RTL1: variants seen among roughly 807,000 people sequenced by gnomAD.
The protein encoded by RTL1 is retrotransposon Gag like 1.
For missense variants in RTL1, 1,681 were observed against 1,767.5 expected (o/e 0.95, Z 0.88); for synonymous variants, 727 against 748.4 (o/e 0.97, Z 0.47).
chr14:100,880,039 C>T lies in RTL1; in HGVS notation c.*673G>A, dbSNP rs996411734. 2.0e-5 allele frequency among the ~76,000 whole-genome samples: 3 copies of T among 148,582 alleles called. No homozygotes were observed. Among genetic ancestry groups the T allele is most frequent in the South Asian group, 2.2e-4 (1 of 4,648 alleles). On this transcript the variant is annotated 3_prime_UTR_variant, in exon 4 of 4. Transcript: ENST00000649591. ...GTCTGGTAAGTGGCACTGGTACGTC[C>T]GGATGCCCCAAAGAGCGGCTTTGTC...
rs2140033981 is a variant in RTL1 at position 100,881,508 on chromosome 14, G to A, written c.3281C>T (p.Ala1094Val). Residue 1094 changes from alanine (A) to valine (V), a missense_variant, in exon 4 of 4, where the codon GCC becomes GTC. Coordinates refer to ENST00000649591, the MANE Select transcript of RTL1 (RefSeq NM_001134888.3). The surrounding 1 kb of genome is among the most constrained non-coding windows in gnomAD (Gnocchi z 6.6). ...LYWKNTLALA[A>V]ILVLLRVRQC... ...CCTCACGCGCAGTAGCACGAGGATGGCTGCCAGGGCTAGGGTGTTCTTCCA... is the reference window on the plus strand; with the variant it reads ...CCTCACGCGCAGTAGCACGAGGATGACTGCCAGGGCTAGGGTGTTCTTCCA... The A allele has an allele frequency of 6.4e-7, 1 of 1,551,666 alleles. No homozygotes were observed. The highest frequency in any genetic ancestry group is 8.7e-7 in the Non-Finnish European group (1 of 1,147,010).
rs961758919 is a variant in RTL1, at chr14:100,880,098, C to A, written c.*614G>T. 2.8e-5 allele frequency among the ~76,000 whole-genome samples: 2 copies of A among 72,408 alleles called. No individual in the cohort carries two copies. The highest frequency in any genetic ancestry group is 2.0e-4 in the Admixed American group (1 of 5,116). The allele number at this position is 72,408 out of a possible 152,430, so 47.5% of individuals were successfully genotyped here. On this transcript the variant is annotated 3_prime_UTR_variant, in exon 4 of 4. Coordinates refer to ENST00000649591, the MANE Select transcript of RTL1 (RefSeq NM_001134888.3). ...TCCAGAGCTCAGGGCAAGAGGAAGG[C>A]GGGGTCAAAAAAGCTGAAGCAGATG...
chr14:100,889,424 T>C (rs1443285579), intron 3 of RTL1, among the ~76,000 whole-genome samples: 1 of 152,244 alleles, frequency 6.6e-6, no homozygotes, highest in Non-Finnish European at 1.5e-5. Flanking sequence ...TGAAGTTCTT[T>C]TCGCATGAAA....
In RTL1 at chr14:100,882,641, A is replaced by G; in HGVS notation, c.2148T>C (p.Ile716=). 1 of 1,551,898 alleles carries G rather than the reference A, an allele frequency of 6.4e-7. No homozygotes were observed. The change falls in exon 4 of 4, where the codon ATT becomes ATC. Residue 716 remains isoleucine (I), a synonymous_variant. Transcript: ENST00000649591. Reference sequence around the variant, plus strand: ...CTAGCATGTCCTTTAGGATGAAGTGAATCACGTTCTGAGGTATGATAGGGT... The same window carrying G: ...CTAGCATGTCCTTTAGGATGAAGTGGATCACGTTCTGAGGTATGATAGGGT... The part of the protein sequence containing the change: ...SPDPIIPQNV[I]HFILKDMLGF...
chr14:100,881,707 T>A lies in RTL1; in HGVS notation c.3082A>T (p.Thr1028Ser). Residue 1028 changes from threonine (T) to serine (S), a missense_variant, in exon 4 of 4, where the codon ACG (threonine) becomes TCG (serine). Coordinates refer to ENST00000649591, the MANE Select transcript of RTL1 (RefSeq NM_001134888.3). This position sits in a 1 kb window ranked among gnomAD's most constrained non-coding sequence, Gnocchi z 6.6. ...TCATTCTCTTCTTCCCCGGATTCCG[T>A]CGATGGATCCCTGGGGAATCCCCTT... is the stretch of plus-strand genomic sequence containing the variant. ...ASRGFPRDPS[T>S]ESGEEENEEQ... is the part of the protein sequence containing the mutation. 6.3e-7 allele frequency: 1 copy of A among 1,582,134 alleles called. No individual in the cohort carries two copies. Among genetic ancestry groups the A allele is most frequent in the South Asian group, 1.1e-5 (1 of 88,070 alleles).
chr14:100,890,684 T>A (rs956770537), intron 3 of RTL1, among the ~76,000 whole-genome samples: 1 of 152,028 alleles, frequency 6.6e-6, no homozygotes, highest in Non-Finnish European at 1.5e-5. Flanking sequence ...AGGATGGGTG[T>A]CAGGTGAAGA....
chr14:100,884,004 G>C lies in RTL1; in HGVS notation c.785C>G (p.Pro262Arg), dbSNP rs772956353. Residue 262 changes from proline (P) to arginine (R), a missense_variant, in exon 4 of 4, where the codon CCC becomes CGC. Pro to Arg is a moderately radical substitution (Grantham distance 103, BLOSUM62 -2). Transcript: ENST00000649591. The stretch of plus-strand genomic sequence containing the variant: ...GAAGGCTGGGAAGTCTCCGATCAGG[G>C]GGCTGTTTTCCTGCAGTAGAGCTTT... ...WAKALLQENSPLIGDFPAFLE... is the reference protein window; with the variant it reads ...WAKALLQENSRLIGDFPAFLE... 13 of 1,551,592 alleles carry C rather than the reference G, an allele frequency of 8.4e-6. No homozygotes were observed. Among genetic ancestry groups the C allele is most frequent in the Non-Finnish European group, 8.7e-6 (10 of 1,147,004 alleles).
chr14:100,884,679 G>C lies in RTL1; in HGVS notation c.110C>G (p.Ser37Trp), dbSNP rs372213717. The C allele has an allele frequency of 6.2e-6, 10 of 1,613,678 alleles. No homozygotes were observed. The East Asian group carries it at 2.2e-4, about 36-fold the overall frequency. The change falls in exon 4 of 4, where the codon TCG (serine) becomes TGG (tryptophan). Residue 37 changes from serine (S) to tryptophan (W), a missense_variant. Ser to Trp is a radical substitution (Grantham distance 177). Coordinates refer to ENST00000649591, the MANE Select transcript of RTL1 (RefSeq NM_001134888.3). ...TGCCTCTCCCCGCACTCCACTGCCC[G>C]ACGTCGCCTCGGTGGTGTTGGATGA... ...EGSSNTTEATSGSGVRGEAGP... is the reference protein window; with the variant it reads ...EGSSNTTEATWGSGVRGEAGP...
chr14:100,901,488 A>G (rs763283569), intron 2 of RTL1, among the ~76,000 whole-genome samples: 3 of 152,184 alleles, frequency 2.0e-5, no homozygotes, highest in Non-Finnish European at 4.4e-5. Context: ...TGTGGGCTGC[A>G]TTCATCAGCA....
In RTL1 at chr14:100,883,622, C is replaced by T. The variant is rs1219981304; in HGVS notation, c.1167G>A (p.Arg389=). 6.4e-7 allele frequency: 1 copy of T among 1,551,256 alleles called. No homozygotes were observed. The highest frequency in any genetic ancestry group is 8.7e-7 in the Non-Finnish European group (1 of 1,146,958). ...LTWIDSPAPE[R]WMVSSWLPSE... ...TGGGCAACCAGCTGCTGACCATCCA[C>T]CTCTCTGGAGCAGGTGAGTCGATCC... The change falls in exon 4 of 4, where the codon AGG becomes AGA. Residue 389 remains arginine, a synonymous_variant. Transcript: ENST00000649591. This position sits in a 1 kb window ranked among gnomAD's most constrained non-coding sequence, Gnocchi z 5.9.
chr14:100,886,312 CA>C, intron 3 of RTL1, among the ~76,000 whole-genome samples: 1 of 152,050 alleles, frequency 6.6e-6, no homozygotes, highest in Non-Finnish European at 1.5e-5. Flanking sequence ...TGCTGTTTCT[CA>C]AAATTAAGTA....
At chr14:100,885,085 C>G (rs992296369) in intron 3 of RTL1, among the ~76,000 whole-genome samples, 1 of 152,250 alleles carries the variant, frequency 6.6e-6, no homozygotes, top group African/African-American at 2.4e-5. Flanking sequence ...ACCTGCCTCC[C>G]AGGCTTATTC....
Position 100,898,089 on chromosome 14 carries a change from T to G in RTL1, c.-148-4584A>C, listed in dbSNP as rs974024814. On this transcript the variant is annotated intron_variant, in intron 2 of 3. Transcript: ENST00000649591. ...ACCATTGTTGATTACACTCTTCTAC[T>G]GTTGAAAATCCCAGCTGAAAGTGCT... is the stretch of plus-strand genomic sequence containing the variant. 8.6e-6 allele frequency: 3 copies of G among 348,184 alleles called. No individual in the cohort carries two copies. In the East Asian group the frequency reaches 2.2e-4, roughly 25 times the overall value. The allele number at this position is 348,184 out of a possible 1,614,324, so 21.6% of individuals were successfully genotyped here.
At position 100,880,712 on chromosome 14, in the gene RTL1, T is replaced by C; in HGVS notation, c.4077A>G (p.Ter1359TrpextTer46). 6.4e-7 allele frequency: 1 copy of C among 1,550,742 alleles called. No homozygotes were observed. The highest frequency in any genetic ancestry group is 8.7e-7 in the Non-Finnish European group (1 of 1,146,928). Reference protein sequence around the residue: ...PDEDEDANLD* With the variant: ...PDEDEDANLDW ...CTTTGCTGGAGACAGGGAGGCGTCT[T>C]CAGTCGAGGTTAGCATCTTCGTCCT... Residue 1359 changes from the stop codon to tryptophan, a stop_lost, in exon 4 of 4, where the codon TGA (stop) becomes TGG (tryptophan). Coordinates refer to ENST00000649591, the MANE Select transcript of RTL1 (RefSeq NM_001134888.3).
Position 100,883,102 on chromosome 14 carries a change from C to T in RTL1, c.1687G>A (p.Ala563Thr). The T allele has an allele frequency of 2.5e-6, 4 of 1,613,484 alleles. No homozygotes were observed. Among genetic ancestry groups the T allele is most frequent in the South Asian group, 1.1e-5 (1 of 90,860 alleles). Residue 563 changes from alanine to threonine, a missense_variant, in exon 4 of 4, where the codon GCC (alanine) becomes ACC (threonine). Physicochemically the swap from Ala to Thr is moderately conservative, Grantham distance 58. Coordinates refer to ENST00000649591, the MANE Select transcript of RTL1 (RefSeq NM_001134888.3). The surrounding 1 kb of genome is among the most constrained non-coding windows in gnomAD (Gnocchi z 5.9). ...PGLPHPYSDL[A>T]DVFNPKEADD... The stretch of plus-strand genomic sequence containing the variant: ...GCTTCCTTCGGGTTAAACACGTCGG[C>T]CAGGTCTGAGTATGGGTGTGGCAGT...
chr14:100,882,234 G>C lies in RTL1; in HGVS notation c.2555C>G (p.Ala852Gly). ...QFYWGVEEQE[A>G]FECLKRAFRK... ...GAAAGCCCTCTTCAGGCACTCGAAG[G>C]CCTCTTGCTCCTCGACTCCCCAGTA... The change falls in exon 4 of 4, where the codon GCC (alanine) becomes GGC (glycine). Residue 852 changes from alanine (A) to glycine (G), a missense_variant. Coordinates refer to ENST00000649591, the MANE Select transcript of RTL1 (RefSeq NM_001134888.3). 6.4e-7 allele frequency: 1 copy of C among 1,551,300 alleles called. No homozygotes were observed. Among genetic ancestry groups the C allele is most frequent in the Non-Finnish European group, 8.7e-7 (1 of 1,146,996 alleles).
At chr14:100,894,309 CAAAAAA>C (rs562868034) in intron 2 of RTL1, among the ~76,000 whole-genome samples, 1 of 72,474 alleles carries the variant, frequency 1.4e-5, no homozygotes, top group African/African-American at 4.2e-5. Flanking sequence ...AACTCCGTCT[CAAAAAA>C]AAAAAAAAAA....
At chr14:100,890,324 G>T (rs1448305147) in intron 3 of RTL1, among the ~76,000 whole-genome samples, 2 of 151,726 alleles carry the variant, frequency 1.3e-5, no homozygotes, top group Non-Finnish European at 2.9e-5. Context: ...GCCATGGGGG[G>T]GACAAATCCC....
rs1318676617 is a variant in RTL1, at chr14:100,880,807, G to C, written c.3982C>G (p.Arg1328Gly). 1.9e-6 allele frequency: 3 copies of C among 1,550,656 alleles called. No homozygotes were observed. Among genetic ancestry groups the C allele is most frequent in the Non-Finnish European group, 1.7e-6 (2 of 1,146,956 alleles). ...LSQFLTLIYR[R>G]ALPIPAWESQ... ...TCCCAGGCGGGGATGGGCAGGGCCCGCCTGTAGATCAGGGTCAGGAACTGG... is the reference window on the plus strand; with the variant it reads ...TCCCAGGCGGGGATGGGCAGGGCCCCCCTGTAGATCAGGGTCAGGAACTGG... Residue 1328 changes from arginine (R) to glycine (G), a missense_variant, in exon 4 of 4, where the codon CGG becomes GGG. Coordinates refer to ENST00000649591, the MANE Select transcript of RTL1 (RefSeq NM_001134888.3).
Sources: gnomAD v4.1 joint callset for allele counts (sites outside exome capture counted in the v4.1 genomes callset) on GRCh38, gnomAD v4.1.1 for gene constraint, Gnocchi (gnomAD v3.1) non-coding constraint, MANE v1.5 for transcripts, NCBI Gene and HGNC (gene_info 2026-07-23, HGNC 2026-07-21) for gene names.